The following SUCLG2 variants were observed in gnomAD, a reference collection of about 807,000 sequenced individuals.
The protein encoded by SUCLG2 is succinate--CoA ligase [GDP-forming] subunit beta, mitochondrial.
In SUCLG2, 42 loss-of-function variants were observed where a neutral mutation model predicts 47.9. The ratio of observed to expected loss-of-function variants is 0.88; its 90% CI spans 0.69 to 1.14. The LOEUF (loss-of-function observed/expected upper bound fraction) is 1.14. Ranked by LOEUF, SUCLG2 falls within the 50% of genes most tolerant of loss-of-function variation. The pLI is 0.00. For synonymous variants in SUCLG2, 195 were observed against 197.3 expected (o/e 0.99, Z 0.10); for missense variants, 571 against 525.9 (o/e 1.09, Z -0.84).
Position 67,543,522 on chromosome 3 carries a change from C to G in SUCLG2, c.227-14336G>C, listed in dbSNP as rs1040352810. 4.7e-4 allele frequency among the ~76,000 whole-genome samples: 72 copies of G among 151,934 alleles called. 1 individual carries two copies. Among genetic ancestry groups the G allele is most frequent in the Admixed American group, 6.6e-5 (1 of 15,242 alleles). On this transcript the variant is annotated intron_variant, in intron 2 of 10. Transcript: ENST00000307227. ...TCTCTACAAAAAGTACAAAAATTAG[C>G]CTGGCATAGTGGCATACCTGTAGTC...
intron 1 of SUCLG2, among the ~76,000 whole-genome samples, chr3:67,629,718 C>CT (rs764675365): frequency 1.3e-5 from 2 of 152,120 alleles, no homozygotes; most frequent in Non-Finnish European, 2.9e-5. Flanking sequence ...TAACCCCTCC[C>CT]TTAAAACTAT....
intron 1 of SUCLG2, among the ~76,000 whole-genome samples, chr3:67,628,766 C>T (rs1373243568): frequency 6.6e-6 from 1 of 152,162 alleles, no homozygotes; most frequent in East Asian, 1.9e-4. Context: ...GTGAGGCCTC[C>T]CCAGCCATGT....
intron 2 of SUCLG2, among the ~76,000 whole-genome samples, chr3:67,585,858 T>C (rs183793783): frequency 4.5e-4 from 68 of 150,830 alleles, no homozygotes; most frequent in Middle Eastern, 3.4e-3. Context: ...TTCCAGCTAC[T>C]TGGGAGGCTG....
chr3:67,380,183 G>C (rs79812188), intron 10 of SUCLG2, among the ~76,000 whole-genome samples: 4 of 136,900 alleles, frequency 2.9e-5, no homozygotes, highest in African/African-American at 1.1e-4. Flanking sequence ...TTTTTTTTTG[G>C]AGTCCTCTCA....
chr3:67,635,307 C>G (rs1226258258), intron 1 of SUCLG2, among the ~76,000 whole-genome samples: 1 of 152,200 alleles, frequency 6.6e-6, no homozygotes. Context: ...GACCTCTTGC[C>G]TGCCTTTCAA....
At chr3:67,547,684 AGAT>A (rs1408562003) in intron 2 of SUCLG2, among the ~76,000 whole-genome samples, 1 of 152,216 alleles carries the variant, frequency 6.6e-6, no homozygotes, top group African/African-American at 2.4e-5. Flanking sequence ...CCAGAAAAGA[AGAT>A]GTCCTAGCCT....
At chr3:67,365,739 G>A (rs922544779) in intron 10 of SUCLG2, among the ~76,000 whole-genome samples, 2 of 152,170 alleles carry the variant, frequency 1.3e-5, no homozygotes, top group East Asian at 3.9e-4. Flanking sequence ...TATGCAGGCA[G>A]TATCAGCACA....
At chr3:67,466,150 C>G (rs986710536) in intron 9 of SUCLG2, among the ~76,000 whole-genome samples, 1 of 151,836 alleles carries the variant, frequency 6.6e-6, no homozygotes, top group African/African-American at 2.4e-5. Flanking sequence ...GTCAGGAGTT[C>G]GAGACCAGCC....
At chr3:67,483,104 C>T (rs1704959559) in intron 9 of SUCLG2, among the ~76,000 whole-genome samples, 1 of 152,066 alleles carries the variant, frequency 6.6e-6, no homozygotes, top group Non-Finnish European at 1.5e-5. Flanking sequence ...GGAAATGAAG[C>T]ATTCTCAGGA....
chr3:67,390,314 A>G (rs1254679750), intron 10 of SUCLG2, among the ~76,000 whole-genome samples: 1 of 152,200 alleles, frequency 6.6e-6, no homozygotes, highest in Non-Finnish European at 1.5e-5. Flanking sequence ...CCCACCCACA[A>G]TGTATTAAAA....
chr3:67,376,493 G>C, intron 10 of SUCLG2: 1 of 984,692 alleles, frequency 1.0e-6, no homozygotes. Context: ...TGCCATTTTA[G>C]AGTGAACAAC....
chr3:67,505,412 A>G (rs1388371961), intron 7 of SUCLG2, among the ~76,000 whole-genome samples: 1 of 152,226 alleles, frequency 6.6e-6, no homozygotes, highest in Non-Finnish European at 1.5e-5. Context: ...TCACTAAACT[A>G]CATTGCAGTT....
At chr3:67,564,084 A>T (rs751558643) in intron 2 of SUCLG2, among the ~76,000 whole-genome samples, 1 of 152,208 alleles carries the variant, frequency 6.6e-6, no homozygotes, top group Non-Finnish European at 1.5e-5. Flanking sequence ...AGAGAAAAAC[A>T]TTAAGAATAT....
intron 9 of SUCLG2, among the ~76,000 whole-genome samples, chr3:67,414,040 G>A (rs1485403742): frequency 6.6e-6 from 1 of 152,132 alleles, no homozygotes; most frequent in Non-Finnish European, 1.5e-5. Context: ...TTTTGTAAAT[G>A]TCTTGACCTG....
At position 67,396,405 on chromosome 3, in the gene SUCLG2, T is replaced by C. The variant is rs1004297564; in HGVS notation, c.1183+4326A>G. ...AATACTACAAACACCTCTACGCAAA[T>C]AAACTAGAAAATCTAGAAGAAATGG... On this transcript the variant is annotated intron_variant, in intron 10 of 10. Coordinates refer to ENST00000307227, the MANE Select transcript of SUCLG2 (RefSeq NM_003848.4). Among the ~76,000 whole-genome samples the C allele has an allele frequency of 4.6e-5, 7 of 152,032 alleles. 1 individual carries two copies. Among genetic ancestry groups the C allele is most frequent in the African/African-American group, 1.7e-4 (7 of 41,434 alleles).
At chr3:67,469,638 A>T (rs1323446278) in intron 9 of SUCLG2, among the ~76,000 whole-genome samples, 1 of 150,796 alleles carries the variant, frequency 6.6e-6, no homozygotes, top group Non-Finnish European at 1.5e-5. Context: ...CTGAGGTGGG[A>T]AAATCACTTG....
At chr3:67,431,844 C>T (rs1313199158) in intron 9 of SUCLG2, among the ~76,000 whole-genome samples, 1 of 152,042 alleles carries the variant, frequency 6.6e-6, no homozygotes, top group Non-Finnish European at 1.5e-5. Flanking sequence ...ATGTAACAAA[C>T]CTGCACGTTG....
intron 9 of SUCLG2, among the ~76,000 whole-genome samples, chr3:67,414,005 A>G (rs1321174944): frequency 6.6e-6 from 1 of 152,226 alleles, no homozygotes; most frequent in Non-Finnish European, 1.5e-5. Context: ...TATCAAAAAA[A>G]AGCTTCTTGG....
At chr3:67,401,123 TTATA>T (rs1702675493) in intron 9 of SUCLG2, among the ~76,000 whole-genome samples, 1 of 152,172 alleles carries the variant, frequency 6.6e-6, no homozygotes, top group Non-Finnish European at 1.5e-5. Context: ...CATTCGTCTA[TTATA>T]TAATGTCTTC....
Sources: allele counts gnomAD v4.1 joint callset (sites outside exome capture counted in the v4.1 genomes callset), GRCh38; gene constraint gnomAD v4.1.1; transcripts MANE v1.5; gene names NCBI Gene and HGNC (gene_info 2026-07-23, HGNC 2026-07-21).